Variants in ETFA observed in about 807,000 individuals in gnomAD.
ETFA encodes the protein electron transfer flavoprotein subunit alpha, mitochondrial.
Under a neutral mutation model 46.2 loss-of-function variants are expected in ETFA, and 22 were observed. That is an observed-to-expected ratio of 0.48 (90% CI 0.34 to 0.68). The LOEUF (loss-of-function observed/expected upper bound fraction) is 0.68. Ranked by LOEUF, ETFA falls within the 30% of genes least tolerant of loss-of-function variation. The probability of loss-of-function intolerance (pLI) is 0.01; values close to 1 mark genes in which losing one functional copy is unlikely to be tolerated. For missense variants in ETFA, 345 were observed against 401.1 expected (o/e 0.86, Z 1.19); for synonymous variants, 131 against 139.9 (o/e 0.94, Z 0.45).
At chr15:76,279,217 T>C (rs1027585221) in intron 8 of ETFA, among the ~76,000 whole-genome samples, 7 of 152,114 alleles carry the variant, frequency 4.6e-5, no homozygotes, top group Non-Finnish European at 1.0e-4. Flanking sequence ...AAAAGACAAA[T>C]GTGCTGCTCA....
Position 76,253,434 on chromosome 15 carries a change from T to C in ETFA, c.816+20978A>G, listed in dbSNP as rs74760937. 5.1e-4 allele frequency among the ~76,000 whole-genome samples: 77 copies of C among 152,308 alleles called. No individual in the cohort carries two copies. In the East Asian group the frequency reaches 0.011, roughly 21 times the overall value. Reference sequence around the variant, plus strand: ...CTTACTTTATGAAGTAGGGAACTTATTACTATTGATCATCAGAAAGAGCAG... The same window carrying C: ...CTTACTTTATGAAGTAGGGAACTTACTACTATTGATCATCAGAAAGAGCAG... On this transcript the variant is annotated intron_variant, in intron 9 of 11. Transcript: ENST00000557943.
At chr15:76,264,574 A>T (rs1398458945) in intron 9 of ETFA, among the ~76,000 whole-genome samples, 1 of 152,254 alleles carries the variant, frequency 6.6e-6, no homozygotes, top group Non-Finnish European at 1.5e-5. Context: ...GTGGCTGTAT[A>T]TAAAGCCATA....
intron 9 of ETFA, among the ~76,000 whole-genome samples, chr15:76,240,311 A>G (rs879641499): frequency 2.0e-5 from 3 of 152,210 alleles, no homozygotes; most frequent in African/African-American, 7.2e-5. Context: ...TAGTGATAGA[A>G]TATGTAGTCA....
chr15:76,229,906 T>C (rs566902092), intron 10 of ETFA: 9 of 152,260 alleles, frequency 5.9e-5, no homozygotes, highest in African/African-American at 2.2e-4. Context: ...TTATTATGCA[T>C]GAATTAATGT....
At chr15:76,310,252 T>TAAAC (rs200222031) in intron 1 of ETFA, among the ~76,000 whole-genome samples, 1,713 of 149,326 alleles carry the variant, frequency 0.011, 35 homozygotes, top group African/African-American at 0.039. Flanking sequence ...CCTTGTCTCT[T>TAAAC]AAACAAACAA....
intron 1 of ETFA, among the ~76,000 whole-genome samples, chr15:76,309,257 G>A (rs1442399447): frequency 1.3e-5 from 2 of 152,136 alleles, no homozygotes; most frequent in Non-Finnish European, 2.9e-5. Context: ...AGACCATACC[G>A]GCTAACACAG....
At chr15:76,284,917 C>T (rs1205216122) in intron 7 of ETFA, 3 of 403,560 alleles carry the variant, frequency 7.4e-6, no homozygotes, top group South Asian at 1.7e-5. Flanking sequence ...GCAACAAGAG[C>T]GAAACTCCAT....
rs144340575 is a variant in ETFA at position 76,309,254 on chromosome 15, A to C, written c.39+2096T>G. 4.9e-3 allele frequency among the ~76,000 whole-genome samples: 742 copies of C among 152,248 alleles called. 4 individuals are homozygous for C. The highest frequency in any genetic ancestry group is 0.017 in the African/African-American group (718 of 41,548). On this transcript the variant is annotated intron_variant, in intron 1 of 11. Transcript: ENST00000557943. The stretch of plus-strand genomic sequence containing the variant: ...CATGAGGTCAGGAGATCGAGACCAT[A>C]CCGGCTAACACAGTGAAACCCCCGT...
chr15:76,272,813 C>CATATAT (rs71143306), intron 9 of ETFA, among the ~76,000 whole-genome samples: 33,450 of 137,312 alleles, frequency 0.24, 4,927 homozygotes, highest in Middle Eastern at 0.34. Context: ...AAAATATATA[C>CATATAT]ATATATATAT....
chr15:76,260,861 G>T, intron 9 of ETFA: 1 of 1,611,818 alleles, frequency 6.2e-7, no homozygotes, highest in Middle Eastern at 2.2e-4. Flanking sequence ...GGAGCAGGCA[G>T]GTAAAGGGGG....
intron 9 of ETFA, among the ~76,000 whole-genome samples, chr15:76,251,803 C>T (rs1007073552): frequency 6.6e-6 from 1 of 152,170 alleles, no homozygotes; most frequent in Non-Finnish European, 1.5e-5. Context: ...ACAGCAGATA[C>T]GAAATCACAT....
chr15:76,217,894 C>T (rs1286628419), intron 11 of ETFA, among the ~76,000 whole-genome samples: 1 of 152,208 alleles, frequency 6.6e-6, no homozygotes. Context: ...AGGAAATTGT[C>T]GACATGTTGT....
Position 76,285,617 on chromosome 15 carries a change from A to T in ETFA, c.664+20T>A. On this transcript the variant is annotated intron_variant, in intron 7 of 11. Transcript: ENST00000557943. The stretch of plus-strand genomic sequence containing the variant: ...AAAGTATTTTCAATTTACATCTTTT[A>T]AGATTAATATTTCACTTACCACCAG... The T allele has an allele frequency of 1.5e-6, 2 of 1,294,590 alleles. No homozygotes were observed. The highest frequency in any genetic ancestry group is 2.2e-6 in the Non-Finnish European group (2 of 889,186). The allele number at this position is 1,294,590 out of a possible 1,614,324, so 80.2% of individuals were successfully genotyped here.
intron 6 of ETFA, 29 bp downstream of exon 6, chr15:76,286,342 A>G: frequency 7.2e-7 from 1 of 1,385,938 alleles, no homozygotes; most frequent in Non-Finnish European, 1.0e-6. Flanking sequence ...GTAAGAAACA[A>G]AACAAAAAAA....
At chr15:76,310,138 C>A (rs191122016) in intron 1 of ETFA, 1 of 152,040 alleles carries the variant, frequency 6.6e-6, no homozygotes, top group Non-Finnish European at 1.4e-5. Context: ...CCCAGCTTCT[C>A]GGGAAGCTGA....
chr15:76,286,487 A>G lies in ETFA; in HGVS notation c.452-6T>C. On this transcript the variant is annotated splice_region_variant and splice_polypyrimidine_tract_variant and intron_variant, in intron 5 of 11. Transcript: ENST00000557943. ...CACTGTACATAGAGCATTTCCTGAA[A>G]CATACAATCTATTTCTTAAAAGCAA... is the stretch of plus-strand genomic sequence containing the variant. 6.3e-7 allele frequency: 1 copy of G among 1,581,978 alleles called. No homozygotes were observed. The highest frequency in any genetic ancestry group is 8.7e-7 in the Non-Finnish European group (1 of 1,151,070).
intron 1 of ETFA, among the ~76,000 whole-genome samples, chr15:76,302,216 C>T (rs1220018170): frequency 2.6e-5 from 4 of 152,128 alleles, no homozygotes; most frequent in Non-Finnish European, 2.9e-5. Context: ...AACTTAGGTC[C>T]ACACAAAAAC....
chr15:76,256,182 C>A (rs1427874025), intron 9 of ETFA, among the ~76,000 whole-genome samples: 2 of 148,054 alleles, frequency 1.4e-5, no homozygotes, highest in Non-Finnish European at 3.0e-5. Context: ...CACTTGAACC[C>A]GGGAGGTGGA....
At chr15:76,255,278 AAAAC>A (rs2039336991) in intron 9 of ETFA, among the ~76,000 whole-genome samples, 1 of 152,384 alleles carries the variant, frequency 6.6e-6, no homozygotes, top group East Asian at 1.9e-4. Flanking sequence ...GACTATTTTC[AAAAC>A]AAACATTCAG....
Sources: gnomAD v4.1 joint callset for allele counts (sites outside exome capture counted in the v4.1 genomes callset) on GRCh38, gnomAD v4.1.1 for gene constraint, MANE v1.5 for transcripts, NCBI Gene and HGNC (gene_info 2026-07-23, HGNC 2026-07-21) for gene names.